TCF4: variants seen among roughly 807,000 people sequenced by gnomAD.
TCF4 encodes the protein SL3-3 enhancer factor 2.
TCF4 carries 3 observed loss-of-function variants against 82.1 expected under a neutral mutation model. That is an observed-to-expected ratio of 0.04 (90% CI 0.02 to 0.09). The LOEUF (loss-of-function observed/expected upper bound fraction) is 0.09, where lower values mean the gene tolerates loss of function less well. Among genes scored for constraint, TCF4 ranks in the 10% least tolerant of loss-of-function variants. The pLI is 1.00. For missense variants in TCF4, 518 were observed against 852.7 expected (o/e 0.61, Z 4.89); for synonymous variants, 276 against 309.6 (o/e 0.89, Z 1.14).
intron 15 of TCF4, among the ~76,000 whole-genome samples, chr18:55,253,303 C>G: frequency 6.6e-6 from 1 of 152,240 alleles, no homozygotes; most frequent in South Asian, 2.1e-4. Flanking sequence ...CCTTTTGGGA[C>G]CATGCTTAAA....
intron 5 of TCF4, among the ~76,000 whole-genome samples, chr18:55,453,533 T>C (rs1182594362): frequency 6.6e-6 from 1 of 152,208 alleles, no homozygotes; most frequent in African/African-American, 2.4e-5. Flanking sequence ...GGTCTATACA[T>C]CTCTGTTGGC....
chr18:55,228,387 T>G, intron 18 of TCF4, 26 bp from the exon 19 acceptor site: 1 of 1,612,654 alleles, frequency 6.2e-7, no homozygotes, highest in Non-Finnish European at 8.5e-7. Context: ...GCACAGAACC[T>G]TTGTTTAATG....
In TCF4 at chr18:55,326,652, G is replaced by C. The variant is rs190100576; in HGVS notation, c.549+23707C>G. On this transcript the variant is annotated intron_variant, in intron 8 of 19. Coordinates refer to ENST00000354452, the MANE Select transcript of TCF4 (RefSeq NM_001083962.2). Reference sequence around the variant, plus strand: ...ATCTATGTTCTCATCTTTAAACTTAGAGGAATAGTAAATGTTGCCAAGCCA... The same window carrying C: ...ATCTATGTTCTCATCTTTAAACTTACAGGAATAGTAAATGTTGCCAAGCCA... Among the ~76,000 whole-genome samples, 758 of 152,188 alleles carry C rather than the reference G, an allele frequency of 5.0e-3. 2 individuals are homozygous for C. The highest frequency in any genetic ancestry group is 0.01 in the South Asian group (49 of 4,824).
intron 2 of TCF4, among the ~76,000 whole-genome samples, chr18:55,629,055 A>C (rs1237871555): frequency 6.6e-6 from 1 of 152,228 alleles, no homozygotes; most frequent in Non-Finnish European, 1.5e-5. Flanking sequence ...TAAATATTGT[A>C]TGCAATGCAA....
chr18:55,236,461 T>A (rs1416708407), intron 15 of TCF4, among the ~76,000 whole-genome samples: 1 of 152,182 alleles, frequency 6.6e-6, no homozygotes, highest in African/African-American at 2.4e-5. Flanking sequence ...AACCTTTTTT[T>A]TTTTTTAAAC....
At chr18:55,471,509 G>A (rs975161302) in intron 3 of TCF4, among the ~76,000 whole-genome samples, 6 of 152,142 alleles carry the variant, frequency 3.9e-5, no homozygotes, top group African/African-American at 1.4e-4. Context: ...GCTCTACTTT[G>A]CTTATGTGGA....
chr18:55,260,660 G>T (rs1278293312), intron 12 of TCF4, among the ~76,000 whole-genome samples: 1 of 152,110 alleles, frequency 6.6e-6, no homozygotes, highest in Non-Finnish European at 1.5e-5. Flanking sequence ...CCAGGTTCAA[G>T]CGATTCTCCT....
Position 55,229,308 on chromosome 18 carries a change from G to C in TCF4, c.1650-232C>G, listed in dbSNP as rs984324139. 5 of 555,150 alleles carry C rather than the reference G, an allele frequency of 9.0e-6. No individual in the cohort carries two copies. The African/African-American group carries it at 9.4e-5, about 10-fold the overall frequency. 34.4% of individuals were successfully genotyped at this position (555,150 alleles called of 1,614,324 possible). A position where few individuals can be genotyped will look rare whatever the true frequency, so the allele number is the denominator to read the frequency against. On this transcript the variant is annotated intron_variant, in intron 17 of 19. Coordinates refer to ENST00000354452, the MANE Select transcript of TCF4 (RefSeq NM_001083962.2). ...CATTAAACCCAAACCAAACAGGTGAGGGTGACGTAGATTAAAGTTAGAGTG... is the reference window on the plus strand; with the variant it reads ...CATTAAACCCAAACCAAACAGGTGACGGTGACGTAGATTAAAGTTAGAGTG...
intron 3 of TCF4, among the ~76,000 whole-genome samples, chr18:55,544,732 C>T (rs1029398202): frequency 3.3e-5 from 5 of 152,124 alleles, no homozygotes; most frequent in African/African-American, 1.2e-4. Context: ...TCTTATGATG[C>T]AGAAATTAAT....
intron 11 of TCF4, chr18:55,266,868 A>G (rs1306605155): frequency 1.3e-5 from 2 of 152,212 alleles, no homozygotes; most frequent in Non-Finnish European, 2.9e-5. Flanking sequence ...GTGGTTACAG[A>G]GAGGTTCCCT....
At chr18:55,438,950 G>A (rs2095386106) in intron 5 of TCF4, among the ~76,000 whole-genome samples, 1 of 152,196 alleles carries the variant, frequency 6.6e-6, no homozygotes, top group Non-Finnish European at 1.5e-5. Context: ...GGTGTTTTTA[G>A]TAAGCCCAGT....
rs760934731 is a variant in TCF4, at chr18:55,461,081, G to C, written c.242C>G (p.Thr81Ser). ...GTCATGTGACCCAAGGTCCCTGCTG[G>C]TCATGTGGTCATAGGGAGTCCCATC... The part of the protein sequence containing the change: ...YGDGTPYDHM[T>S]SRDLGSHDNL... The change falls in exon 5 of 20, where the codon ACC (threonine) becomes AGC (serine). Residue 81 changes from threonine to serine, a missense_variant. By Grantham distance (58) the Thr-to-Ser change is moderately conservative. Coordinates refer to ENST00000354452, the MANE Select transcript of TCF4 (RefSeq NM_001083962.2). 1.2e-6 allele frequency: 2 copies of C among 1,613,194 alleles called. No individual in the cohort carries two copies. Among genetic ancestry groups the C allele is most frequent in the African/African-American group, 2.7e-5 (2 of 74,884 alleles).
In TCF4 at chr18:55,486,057, A is replaced by G. The variant is rs149471693; in HGVS notation, c.146-21920T>C. ...TTTTCATTTCAATAGAAGGAAAAATAAATCCTACTACTTAGAAATATGGGA... is the reference window on the plus strand; with the variant it reads ...TTTTCATTTCAATAGAAGGAAAAATGAATCCTACTACTTAGAAATATGGGA... On this transcript the variant is annotated intron_variant, in intron 3 of 19. Coordinates refer to ENST00000354452, the MANE Select transcript of TCF4 (RefSeq NM_001083962.2). Among the ~76,000 whole-genome samples the G allele has an allele frequency of 4.1e-4, 63 of 152,370 alleles. 1 individual carries two copies. In the East Asian group the frequency reaches 8.7e-3, roughly 21 times the overall value.
chr18:55,391,955 C>CTTTTTT lies in TCF4; in HGVS notation c.369+11493_369+11498dup, dbSNP rs1212656712. 2.0e-3 allele frequency among the ~76,000 whole-genome samples: 124 copies of CTTTTTT among 61,712 alleles called. 16 individuals are homozygous for CTTTTTT. The highest frequency in any genetic ancestry group is 6.0e-3 in the African/African-American group (66 of 10,990). 40.5% of individuals were successfully genotyped at this position (61,712 alleles called of 152,430 possible). ...TTCATCTAAAAGAAAAAAAAAAAATCTTTTTTTTTTTTTTTTTTTTTTTTT... is the reference window on the plus strand; with the variant it reads ...TTCATCTAAAAGAAAAAAAAAAAATCTTTTTTTTTTTTTTTTTTTTTTTTTTTTTTT... On this transcript the variant is annotated intron_variant, in intron 6 of 19. Transcript: ENST00000354452.
chr18:55,446,984 CAAAA>C (rs35946795), intron 5 of TCF4, among the ~76,000 whole-genome samples: 1 of 84,204 alleles, frequency 1.2e-5, no homozygotes. Flanking sequence ...GACTCTGTCT[CAAAA>C]AAAAAAAAAA....
rs1440055520 is a variant in TCF4 at position 55,527,183 on chromosome 18, C to T, written c.145+58097G>A. On this transcript the variant is annotated intron_variant, in intron 3 of 19. Coordinates refer to ENST00000354452, the MANE Select transcript of TCF4 (RefSeq NM_001083962.2). The stretch of plus-strand genomic sequence containing the variant: ...CCACAAAGGTCCCCTCACTCTAGCC[C>T]GCATCCTTAAGGCAACACTGACCCC... 1.3e-5 allele frequency among the ~76,000 whole-genome samples: 2 copies of T among 152,264 alleles called. 1 individual carries two copies. Among genetic ancestry groups the T allele is most frequent in the South Asian group, 4.1e-4 (2 of 4,822 alleles).
chr18:55,565,568 C>T (rs2097397248), intron 3 of TCF4, among the ~76,000 whole-genome samples: 1 of 152,096 alleles, frequency 6.6e-6, no homozygotes, highest in Non-Finnish European at 1.5e-5. Flanking sequence ...AGATTCAATA[C>T]CCACCAGATG....
chr18:55,293,211 A>C (rs1247288352), intron 8 of TCF4, among the ~76,000 whole-genome samples: 1 of 152,150 alleles, frequency 6.6e-6, no homozygotes, highest in Non-Finnish European at 1.5e-5. Context: ...AAATATTAGC[A>C]AGGGCCCATC....
At chr18:55,621,168 A>G (rs1325084135) in intron 2 of TCF4, among the ~76,000 whole-genome samples, 1 of 151,674 alleles carries the variant, frequency 6.6e-6, no homozygotes, top group African/African-American at 2.4e-5. Flanking sequence ...GCTGTGGGAC[A>G]CAGGTCTCTA....
Sources: gnomAD v4.1 joint callset for allele counts (sites outside exome capture counted in the v4.1 genomes callset) on GRCh38, gnomAD v4.1.1 for gene constraint, MANE v1.5 for transcripts, NCBI Gene and HGNC (gene_info 2026-07-23, HGNC 2026-07-21) for gene names.